The following WDPCP variants were observed in gnomAD, a reference collection of about 807,000 sequenced individuals.
The protein encoded by WDPCP is WD repeat containing planar cell polarity effector.
A neutral mutation model predicts 93.1 loss-of-function variants in WDPCP; 71 were observed. That is an observed-to-expected ratio of 0.76 (90% CI 0.63 to 0.93). The LOEUF is 0.93. Among genes scored for constraint, WDPCP ranks in the 40% least tolerant of loss-of-function variants. WDPCP has a pLI of 0.00. For missense variants in WDPCP, 844 were observed against 887.4 expected (o/e 0.95, Z 0.62); for synonymous variants, 315 against 315.0 (o/e 1.00, Z 0.00).
chr2:63,235,192 A>C (rs189001435), intron 14 of WDPCP, among the ~76,000 whole-genome samples: 1 of 152,152 alleles, frequency 6.6e-6, no homozygotes, highest in South Asian at 2.1e-4. Flanking sequence ...TATACAAAAG[A>C]TCCTCAGAAA....
At chr2:63,516,475 C>T (rs1184175087) in intron 1 of WDPCP, among the ~76,000 whole-genome samples, 2 of 152,150 alleles carry the variant, frequency 1.3e-5, no homozygotes, top group Non-Finnish European at 2.9e-5. Context: ...AGGCTCAGAG[C>T]CTTCATTCAC....
rs556140975 is a variant in WDPCP, at chr2:63,791,728, G to A, written n.308+21894C>T. On this transcript the variant is annotated intron_variant and non_coding_transcript_variant, in intron 2 of 4. Transcript: ENST00000467687. ...TCAGGGAGGATCTCCATAATGTGTT[G>A]CATGGAGGATAAAAGCAAAGATTTG... is the stretch of plus-strand genomic sequence containing the variant. 4.5e-4 allele frequency among the ~76,000 whole-genome samples: 69 copies of A among 152,226 alleles called. 1 individual carries two copies. Among genetic ancestry groups the A allele is most frequent in the African/African-American group, 1.6e-3 (66 of 41,536 alleles).
intron 12 of WDPCP, among the ~76,000 whole-genome samples, chr2:63,370,063 T>C (rs1691252087): frequency 6.6e-6 from 1 of 152,192 alleles, no homozygotes; most frequent in Admixed American, 6.5e-5. Context: ...TTTGTTCATA[T>C]AATGACCATC....
intron 2 of WDPCP, among the ~76,000 whole-genome samples, chr2:63,779,351 T>A (rs942643986): frequency 6.6e-6 from 1 of 152,188 alleles, no homozygotes; most frequent in African/African-American, 2.4e-5. Flanking sequence ...ACATAAGACA[T>A]ACTTTCAGCA....
At chr2:63,678,705 A>C (rs1311564092) in intron 2 of WDPCP, among the ~76,000 whole-genome samples, 3 of 152,222 alleles carry the variant, frequency 2.0e-5, no homozygotes, top group African/African-American at 4.8e-5. Flanking sequence ...ATAGGATGAA[A>C]GCGATTCTGC....
intron 13 of WDPCP, among the ~76,000 whole-genome samples, chr2:63,294,501 C>T (rs1684692379): frequency 1.1e-5 from 1 of 87,868 alleles, no homozygotes; most frequent in Non-Finnish European, 2.0e-5. Flanking sequence ...TAGAACAAGA[C>T]TGTTTCGAAA....
chr2:63,133,074 A>G lies in WDPCP; in HGVS notation c.2191-11018T>C, dbSNP rs754898721. Among the ~76,000 whole-genome samples the G allele has an allele frequency of 6.6e-5, 10 of 152,354 alleles. No individual in the cohort carries two copies. In the East Asian group the frequency reaches 1.9e-3, roughly 29 times the overall value. On this transcript the variant is annotated intron_variant, in intron 17 of 17. Transcript: ENST00000272321. ...TGCTTCTGAATTTTGAGATCACATC[A>G]AAGAGAAAGCTAAAGGTCTTCTCAG...
chr2:63,582,278 A>G (rs1331706771), intron 1 of WDPCP, among the ~76,000 whole-genome samples: 1 of 152,152 alleles, frequency 6.6e-6, no homozygotes, highest in African/African-American at 2.4e-5. Flanking sequence ...TAAAAAATAT[A>G]CTGGATAGAA....
At chr2:63,609,503 T>A (rs1709592799) in intron 3 of WDPCP, among the ~76,000 whole-genome samples, 1 of 152,192 alleles carries the variant, frequency 6.6e-6, no homozygotes, top group South Asian at 2.1e-4. Flanking sequence ...ATCCACTTTA[T>A]ATAAGCCAGA....
chr2:63,720,184 AGGCGG>A (rs1669394567), intron 2 of WDPCP, among the ~76,000 whole-genome samples: 1 of 152,148 alleles, frequency 6.6e-6, no homozygotes, highest in African/African-American at 2.4e-5. Context: ...TGGGAGGCTG[AGGCGG>A]GTGGATTGCC....
intron 2 of WDPCP, among the ~76,000 whole-genome samples, chr2:63,677,712 A>G (rs542004551): frequency 6.6e-6 from 1 of 152,322 alleles, no homozygotes; most frequent in African/African-American, 2.4e-5. Flanking sequence ...CCTGATGAAG[A>G]TATCCCTCAA....
In WDPCP at chr2:63,404,257, G is replaced by A; in HGVS notation, c.1226C>T (p.Ser409Phe). The A allele has an allele frequency of 3.7e-6, 6 of 1,613,976 alleles. No homozygotes were observed. Among genetic ancestry groups the A allele is most frequent in the Non-Finnish European group, 5.1e-6 (6 of 1,179,924 alleles). ...GELQIFDMAL[S>F]PINIQLLAED... ...AGCCAACAGTTGGATGTTAATAGGG[G>A]ATAGAGCCATATCAAAAATTTGCAA... Residue 409 changes from serine to phenylalanine, a missense_variant, in exon 10 of 18, where the codon TCC (serine) becomes TTC (phenylalanine). Physicochemically the swap from Ser to Phe is radical, Grantham distance 155. Coordinates refer to ENST00000272321, the MANE Select transcript of WDPCP (RefSeq NM_015910.7).
At chr2:63,596,479 T>A (rs887994228) in intron 3 of WDPCP, among the ~76,000 whole-genome samples, 9 of 152,216 alleles carry the variant, frequency 5.9e-5, no homozygotes, top group African/African-American at 2.2e-4. Flanking sequence ...CTTTCTCTGC[T>A]GAGTTCCCTG....
intron 9 of WDPCP, among the ~76,000 whole-genome samples, chr2:63,413,703 C>A (rs926525128): frequency 6.6e-6 from 1 of 152,078 alleles, no homozygotes; most frequent in Non-Finnish European, 1.5e-5. Flanking sequence ...GAGGCTGAGG[C>A]AGGAGAATGG....
At chr2:63,128,070 C>T (rs959690608) in intron 17 of WDPCP, among the ~76,000 whole-genome samples, 1 of 151,896 alleles carries the variant, frequency 6.6e-6, no homozygotes, top group Non-Finnish European at 1.5e-5. Context: ...ACCCGGGAGG[C>T]GGAGGTTGCA....
intron 5 of WDPCP, 81 bp downstream of exon 5, chr2:63,484,836 C>T (rs1460545416): frequency 5.2e-6 from 8 of 1,536,106 alleles, no homozygotes; most frequent in South Asian, 1.2e-5. Flanking sequence ...AGAGTTGATC[C>T]TTTATGAAAA....
chr2:63,424,179 G>T lies in WDPCP; in HGVS notation c.825+9566C>A, dbSNP rs528179601. Among the ~76,000 whole-genome samples the T allele has an allele frequency of 2.1e-3, 313 of 146,118 alleles. 1 individual carries two copies. The highest frequency in any genetic ancestry group is 6.9e-3 in the African/African-American group (279 of 40,164). ...CCCATACACGTTTGAATTGGCAGGGGTATCTGCCCAGAGAGTAAGCAGAGA... is the reference window on the plus strand; with the variant it reads ...CCCATACACGTTTGAATTGGCAGGGTTATCTGCCCAGAGAGTAAGCAGAGA... On this transcript the variant is annotated intron_variant, in intron 9 of 17. Transcript: ENST00000272321.
intron 13 of WDPCP, among the ~76,000 whole-genome samples, chr2:63,305,431 A>G (rs1431207246): frequency 6.6e-6 from 1 of 152,168 alleles, no homozygotes; most frequent in Non-Finnish European, 1.5e-5. Flanking sequence ...GGTGATACCC[A>G]GGCAAACTCC....
At chr2:63,430,497 CAA>C (rs1193485164) in intron 9 of WDPCP, among the ~76,000 whole-genome samples, 3 of 152,298 alleles carry the variant, frequency 2.0e-5, no homozygotes, top group African/African-American at 7.2e-5. Context: ...AATTTACTGA[CAA>C]AATTTTTTTC....
Sources: allele counts gnomAD v4.1 joint callset (sites outside exome capture counted in the v4.1 genomes callset), GRCh38; gene constraint gnomAD v4.1.1; transcripts MANE v1.5; gene names NCBI Gene and HGNC (gene_info 2026-07-23, HGNC 2026-07-21).